The following SYT2 variants were observed in gnomAD, a reference collection of about 807,000 sequenced individuals.
SYT2 encodes synaptotagmin-2.
SYT2 carries 15 observed loss-of-function variants against 39.9 expected under a neutral mutation model. The ratio of observed to expected loss-of-function variants is 0.38; its 90% CI spans 0.25 to 0.58. SYT2 has a LOEUF of 0.58. SYT2 is among the 20% of genes least tolerant of loss of function. The pLI, the probability that SYT2 is intolerant of heterozygous loss-of-function variation, is 0.70. For synonymous variants in SYT2, 181 were observed against 204.5 expected (o/e 0.89, Z 0.98); for missense variants, 389 against 530.3 (o/e 0.73, Z 2.62).
intron 1 of SYT2, among the ~76,000 whole-genome samples, chr1:202,637,184 A>G (rs537665520): frequency 3.2e-4 from 49 of 151,976 alleles, no homozygotes; most frequent in African/African-American, 1.2e-3. Flanking sequence ...AACAAAGAAA[A>G]ACCTCCCAAA....
intron 1 of SYT2, among the ~76,000 whole-genome samples, chr1:202,677,791 A>AT (rs1363616335): frequency 6.6e-5 from 10 of 152,352 alleles, no homozygotes; most frequent in African/African-American, 2.4e-4. Flanking sequence ...CAGCAAAATC[A>AT]TCATGGGTGC....
At chr1:202,608,266 T>C (rs188944953) in intron 1 of SYT2, among the ~76,000 whole-genome samples, 2 of 149,896 alleles carry the variant, frequency 1.3e-5, no homozygotes, top group African/African-American at 2.4e-5. Flanking sequence ...TAGTATTCCA[T>C]TGTGTAGATA....
intron 1 of SYT2, among the ~76,000 whole-genome samples, chr1:202,652,232 G>A (rs1316674789): frequency 6.6e-6 from 1 of 152,238 alleles, no homozygotes; most frequent in Non-Finnish European, 1.5e-5. Flanking sequence ...CCTTGGGTGA[G>A]TGGCATCTGA....
At chr1:202,608,767 G>A (rs1172240039) in intron 1 of SYT2, among the ~76,000 whole-genome samples, 1 of 152,160 alleles carries the variant, frequency 6.6e-6, no homozygotes, top group African/African-American at 2.4e-5. Context: ...TATATACATA[G>A]GTATGGAATT....
chr1:202,659,643 G>A (rs1359779004), intron 1 of SYT2, among the ~76,000 whole-genome samples: 1 of 152,190 alleles, frequency 6.6e-6, no homozygotes. Flanking sequence ...AGCAGGTGGT[G>A]AGCATCACAA....
chr1:202,615,087 C>T (rs1408101888), intron 1 of SYT2, among the ~76,000 whole-genome samples: 2 of 152,118 alleles, frequency 1.3e-5, no homozygotes, highest in African/African-American at 4.8e-5. Context: ...AATGTCATCC[C>T]CGAGCTCTTA....
At chr1:202,626,397 G>GTT (rs1558437010) in intron 1 of SYT2, among the ~76,000 whole-genome samples, 3 of 102,424 alleles carry the variant, frequency 2.9e-5, no homozygotes, top group Admixed American at 1.0e-4. Context: ...CAGCCTCTCA[G>GTT]CTTTTTTTTT....
intron 1 of SYT2, among the ~76,000 whole-genome samples, chr1:202,694,605 A>C (rs1572683993): frequency 6.6e-6 from 1 of 152,054 alleles, no homozygotes; most frequent in African/African-American, 2.4e-5. Flanking sequence ...ATCCCTAACT[A>C]CAGCAATAAC....
chr1:202,692,745 A>G (rs1476019482), intron 1 of SYT2, among the ~76,000 whole-genome samples: 1 of 152,140 alleles, frequency 6.6e-6, no homozygotes, highest in African/African-American at 2.4e-5. Context: ...TTTTCTCCTC[A>G]GCCAGCTTCT....
chr1:202,679,401 A>G (rs1190367500), intron 1 of SYT2, among the ~76,000 whole-genome samples: 1 of 152,028 alleles, frequency 6.6e-6, no homozygotes, highest in Non-Finnish European at 1.5e-5. Context: ...TTTCCCTCAA[A>G]TCAGGCCCAG....
chr1:202,624,518 TGTG>T (rs1375883122), intron 1 of SYT2, among the ~76,000 whole-genome samples: 4 of 138,980 alleles, frequency 2.9e-5, no homozygotes, highest in African/African-American at 1.2e-4. Flanking sequence ...TGTGTGTCTG[TGTG>T]GTGTGTAGTA....
intron 1 of SYT2, among the ~76,000 whole-genome samples, chr1:202,694,225 T>C (rs2149118638): frequency 6.6e-6 from 1 of 152,348 alleles, no homozygotes; most frequent in South Asian, 2.1e-4. Context: ...GCCCCTGGGA[T>C]ACATGTGTAA....
At chr1:202,622,460 A>G (rs1215566643) in intron 1 of SYT2, among the ~76,000 whole-genome samples, 1 of 152,212 alleles carries the variant, frequency 6.6e-6, no homozygotes, top group Non-Finnish European at 1.5e-5. Flanking sequence ...AACAACTCCC[A>G]GGTTCCTGAG....
rs189732009 is a variant in SYT2, at chr1:202,618,545, C to A, written c.-17-12756G>T. 2.5e-3 allele frequency among the ~76,000 whole-genome samples: 375 copies of A among 152,274 alleles called. 1 individual carries two copies. The highest frequency in any genetic ancestry group is 8.7e-3 in the African/African-American group (360 of 41,546). Reference sequence around the variant, plus strand: ...CTGGGACCATAGAGAGTCAGACGCACCCCCTTATGAGTCATTTCACCTCGG... The same window carrying A: ...CTGGGACCATAGAGAGTCAGACGCAACCCCTTATGAGTCATTTCACCTCGG... On this transcript the variant is annotated intron_variant, in intron 1 of 8. Transcript: ENST00000367268.
chr1:202,664,406 T>C (rs1031651096), intron 1 of SYT2, among the ~76,000 whole-genome samples: 3 of 152,214 alleles, frequency 2.0e-5, no homozygotes, highest in African/African-American at 7.2e-5. Flanking sequence ...ATACATGCAA[T>C]GAAATATCCT....
chr1:202,604,051 C>T (rs585658), intron 3 of SYT2, among the ~76,000 whole-genome samples: 132,335 of 152,208 alleles, frequency 0.87, 60,381 homozygotes, highest in East Asian at 1. Flanking sequence ...GTCACTCTTC[C>T]GCCTCATTTG....
At chr1:202,698,118 C>CCCG (rs1479154664) in intron 1 of SYT2, among the ~76,000 whole-genome samples, 2 of 146,348 alleles carry the variant, frequency 1.4e-5, no homozygotes, top group South Asian at 2.1e-4. Flanking sequence ...CACCACCCCC[C>CCCG]CAAGGAAAGT....
chr1:202,699,548 T>C (rs989486945), intron 1 of SYT2, among the ~76,000 whole-genome samples: 1 of 152,222 alleles, frequency 6.6e-6, no homozygotes, highest in Admixed American at 6.5e-5. Context: ...TTTACCTTTC[T>C]GGGACTATTT....
At chr1:202,603,660 G>A (rs1015081154) in intron 3 of SYT2, among the ~76,000 whole-genome samples, 3 of 152,034 alleles carry the variant, frequency 2.0e-5, no homozygotes, top group African/African-American at 4.8e-5. Context: ...GACCAGGAAG[G>A]GCTACACCCA....
Sources: gnomAD v4.1 joint callset for allele counts (sites outside exome capture counted in the v4.1 genomes callset) on GRCh38, gnomAD v4.1.1 for gene constraint, MANE v1.5 for transcripts, NCBI Gene and HGNC (gene_info 2026-07-23, HGNC 2026-07-21) for gene names.